Variants in CCDC174 observed in about 807,000 individuals in gnomAD.
CCDC174 encodes the protein coiled-coil domain containing 174.
CCDC174 carries 37 observed loss-of-function variants against 57.1 expected under a neutral mutation model. That is an observed-to-expected ratio of 0.65 (90% CI 0.50 to 0.85). The LOEUF (loss-of-function observed/expected upper bound fraction) is 0.85. CCDC174 is among the 40% of genes least tolerant of loss of function. The pLI is 0.00. For missense variants in CCDC174, 540 were observed against 574.3 expected (o/e 0.94, Z 0.61); for synonymous variants, 182 against 190.2 (o/e 0.96, Z 0.35).
chr3:14,666,486 G>C (rs2033446), intron 6 of CCDC174, among the ~76,000 whole-genome samples: 83,915 of 151,822 alleles, frequency 0.55, 24,970 homozygotes, highest in African/African-American at 0.78. Flanking sequence ...AGCCAGATGT[G>C]GTGGTGGGTG....
chr3:14,654,626 A>G (rs1030427881), intron 2 of CCDC174, 96 bp downstream of exon 2: 7 of 576,838 alleles, frequency 1.2e-5, no homozygotes, highest in Non-Finnish European at 1.8e-5. Flanking sequence ...ATCTGTACAC[A>G]TAAATGTTAA....
chr3:14,671,301 T>C lies in CCDC174; in HGVS notation c.*107T>C, dbSNP rs796726247. ...TTGTACCTTTGTCCTGTCCTTTCCCTAGGAGGCACAGACTTCGGGTTGGAT... is the reference window on the plus strand; with the variant it reads ...TTGTACCTTTGTCCTGTCCTTTCCCCAGGAGGCACAGACTTCGGGTTGGAT... On this transcript the variant is annotated 3_prime_UTR_variant, in exon 11 of 11. Transcript: ENST00000383794. 100 of 1,181,080 alleles carry C rather than the reference T, an allele frequency of 8.5e-5. 1 individual carries two copies. The African/African-American group carries it at 1.3e-3, about 15-fold the overall frequency. 73.2% of individuals were successfully genotyped at this position (1,181,080 alleles called of 1,614,324 possible). A position where few individuals can be genotyped will look rare whatever the true frequency, so the allele number is the denominator to read the frequency against.
At chr3:14,669,514 C>A (rs1455952651) in intron 9 of CCDC174, among the ~76,000 whole-genome samples, 2 of 152,260 alleles carry the variant, frequency 1.3e-5, no homozygotes, top group East Asian at 1.9e-4. Context: ...AGCTGTTCAT[C>A]CCCTTGGCTC....
In CCDC174 at chr3:14,672,204, G is replaced by A. The variant is rs769964740; in HGVS notation, c.*1010G>A. On this transcript the variant is annotated 3_prime_UTR_variant, in exon 11 of 11. Transcript: ENST00000383794. ...ACAGCTGGTTCCCAGGCCAGTGAGT[G>A]CTGTGAGAATACAGTAGCACAAGTC... The A allele has an allele frequency of 1.3e-5, 2 of 152,490 alleles. No individual in the cohort carries two copies. Among genetic ancestry groups the A allele is most frequent in the African/African-American group, 4.8e-5 (2 of 41,482 alleles). The allele number at this position is 152,490 out of a possible 1,614,324, so 9.4% of individuals were successfully genotyped here.
chr3:14,652,915 C>CGGG (rs56882357), intron 1 of CCDC174, among the ~76,000 whole-genome samples: 1,636 of 105,676 alleles, frequency 0.015, 25 homozygotes, highest in African/African-American at 0.059. Context: ...GGGCGGGGGG[C>CGGG]GGGGGGAAGA....
Position 14,651,896 on chromosome 3 carries a change from G to GTAAC in CCDC174, c.42+20_42+23dup, listed in dbSNP as rs1559377923. On this transcript the variant is annotated intron_variant, in intron 1 of 10. Coordinates refer to ENST00000383794, the MANE Select transcript of CCDC174 (RefSeq NM_016474.5). Reference sequence around the variant, plus strand: ...CCTCCTCGGTGAGTGAGGGTATGAGGTAACTCCACGGGCTCCGGGTTCACC... The same window carrying GTAAC: ...CCTCCTCGGTGAGTGAGGGTATGAGGTAACTAACTCCACGGGCTCCGGGTTCACC... 1.2e-6 allele frequency: 2 copies of GTAAC among 1,612,884 alleles called. No individual in the cohort carries two copies. The highest frequency in any genetic ancestry group is 3.3e-5 in the Admixed American group (2 of 60,008).
At chr3:14,657,996 A>G (rs1397073947) in intron 3 of CCDC174, among the ~76,000 whole-genome samples, 1 of 152,246 alleles carries the variant, frequency 6.6e-6, no homozygotes, top group Non-Finnish European at 1.5e-5. Context: ...AGTTACAGTA[A>G]GAGCCCTCCA....
rs746978513 is a variant in CCDC174, at chr3:14,658,942, T to A, written c.307+13T>A. ...GGAGACTTTATAGGTAAATAAAATT[T>A]GTTATTTCTACTTCATTTTCTATAA... On this transcript the variant is annotated intron_variant, in intron 4 of 10. Coordinates refer to ENST00000383794, the MANE Select transcript of CCDC174 (RefSeq NM_016474.5). The A allele has an allele frequency of 6.7e-7, 1 of 1,495,102 alleles. No homozygotes were observed. Among genetic ancestry groups the A allele is most frequent in the Non-Finnish European group, 9.2e-7 (1 of 1,091,430 alleles). The allele number at this position is 1,495,102 out of a possible 1,614,324, so 92.6% of individuals were successfully genotyped here. A position where few individuals can be genotyped will look rare whatever the true frequency, so the allele number is the denominator to read the frequency against.
chr3:14,667,071 T>C (rs1262225126), intron 7 of CCDC174, 124 bp downstream of exon 7: 1 of 823,240 alleles, frequency 1.2e-6, no homozygotes, highest in Non-Finnish European at 1.9e-6. Flanking sequence ...GCTTTGGAAA[T>C]AGAAAATATC....
chr3:14,655,692 G>A, intron 3 of CCDC174, 63 bp downstream of exon 3: 1 of 1,085,386 alleles, frequency 9.2e-7, no homozygotes, highest in Non-Finnish European at 1.3e-6. Flanking sequence ...AGAAATGGAA[G>A]TTCAAATTTT....
At chr3:14,668,001 T>G in intron 8 of CCDC174, 48 bp from the exon 9 acceptor site, 1 of 1,548,570 alleles carries the variant, frequency 6.5e-7, no homozygotes, top group Non-Finnish European at 8.7e-7. Flanking sequence ...TGGACAGGAA[T>G]ATTGCAAATT....
chr3:14,662,003 T>G, intron 5 of CCDC174: 1 of 274,126 alleles, frequency 3.6e-6, no homozygotes, highest in Non-Finnish European at 6.9e-6. Context: ...CTGGCAGACT[T>G]GGCTTGCCTG....
intron 3 of CCDC174, 95 bp from the exon 4 acceptor site, chr3:14,658,776 A>G (rs952903488): frequency 9.7e-6 from 13 of 1,341,820 alleles, no homozygotes; most frequent in South Asian, 2.5e-5. Context: ...GCTGGGCCTC[A>G]TGGGCAGATG....
At chr3:14,669,710 C>G (rs999782454) in intron 9 of CCDC174, among the ~76,000 whole-genome samples, 3 of 152,096 alleles carry the variant, frequency 2.0e-5, no homozygotes, top group African/African-American at 7.2e-5. Flanking sequence ...TTAATTTTCC[C>G]CCTCTATAAA....
At chr3:14,651,986 C>T (rs1048559285) in intron 1 of CCDC174, 108 bp downstream of exon 1, 44 of 1,089,964 alleles carry the variant, frequency 4.0e-5, no homozygotes, top group Non-Finnish European at 5.6e-5. Flanking sequence ...AGAGACCTGA[C>T]CTCTCCCCTC....
chr3:14,667,538 G>C lies in CCDC174; in HGVS notation c.819+20G>C. The stretch of plus-strand genomic sequence containing the variant: ...GAACAGGTACAGATAAATCCCAAGT[G>C]ACTGTGAGGAAAGATGTGAGCGCTT... On this transcript the variant is annotated intron_variant, in intron 8 of 10. Transcript: ENST00000383794. The C allele has an allele frequency of 6.3e-7, 1 of 1,580,256 alleles. No homozygotes were observed.
chr3:14,661,712 G>A lies in CCDC174; in HGVS notation c.485+5G>A, dbSNP rs1464629720. The stretch of plus-strand genomic sequence containing the variant: ...CCAAGACCCCAGTGAAGAATGGTTG[G>A]TAACATCATGGATTAGCTCAGAGGA... On this transcript the variant is annotated splice_donor_5th_base_variant and intron_variant, in intron 5 of 10. Coordinates refer to ENST00000383794, the MANE Select transcript of CCDC174 (RefSeq NM_016474.5). 2 of 1,608,558 alleles carry A rather than the reference G, an allele frequency of 1.2e-6. No individual in the cohort carries two copies. Among genetic ancestry groups the A allele is most frequent in the Non-Finnish European group, 1.7e-6 (2 of 1,177,804 alleles).
intron 3 of CCDC174, among the ~76,000 whole-genome samples, chr3:14,656,168 C>T (rs1301218067): frequency 6.6e-6 from 1 of 152,284 alleles, no homozygotes; most frequent in African/African-American, 2.4e-5. Flanking sequence ...TACATAACCA[C>T]AATACCGCTA....
At chr3:14,654,731 TC>T (rs2030893964) in intron 2 of CCDC174, among the ~76,000 whole-genome samples, 1 of 152,248 alleles carries the variant, frequency 6.6e-6, no homozygotes. Flanking sequence ...ATGTGCTAAT[TC>T]TTTAGCACTT....
Sources: allele counts gnomAD v4.1 joint callset (sites outside exome capture counted in the v4.1 genomes callset), GRCh38; gene constraint gnomAD v4.1.1; transcripts MANE v1.5; gene names NCBI Gene and HGNC (gene_info 2026-07-23, HGNC 2026-07-21).